NFKB1: variants seen among roughly 807,000 people sequenced by gnomAD.
NFKB1 encodes nuclear factor kappa B subunit 1.
A neutral mutation model predicts 105.1 loss-of-function variants in NFKB1; 9 were observed. That is an observed-to-expected ratio of 0.09 (90% CI 0.05 to 0.15). The LOEUF (loss-of-function observed/expected upper bound fraction) is 0.15. Among genes scored for constraint, NFKB1 ranks in the 10% least tolerant of loss-of-function variants. The pLI is 1.00. For missense variants in NFKB1, 830 were observed against 1,203.7 expected, an observed-to-expected ratio of 0.69 and a Z score of 4.59; for synonymous variants, 440 against 442.2, an observed-to-expected ratio of 1.00 and a Z score of 0.06.
chr4:102,607,209 G>A lies in NFKB1; in HGVS notation c.2014G>A (p.Val672Met), dbSNP rs1475745534. The A allele has an allele frequency of 1.2e-6, 2 of 1,614,172 alleles. No individual in the cohort carries two copies. Among genetic ancestry groups the A allele is most frequent in the African/African-American group, 1.3e-5 (1 of 75,030 alleles). ...SNSLPCLLLL[V>M]AAGADVNAQE... ...TAGCCTGCCATGTTTGCTGCTGCTG[G>A]TGGCCGCTGGGGCTGACGTCAATGC... Residue 672 changes from valine (V) to methionine (M), a missense_variant, in exon 18 of 24, where the codon GTG becomes ATG. Val to Met is a conservative substitution (Grantham distance 21, BLOSUM62 1). This residue lies in a region of NFKB1 where 418 missense variants were observed against 575.3 expected (regional missense o/e 0.73). Coordinates refer to ENST00000226574, the MANE Select transcript of NFKB1 (RefSeq NM_003998.4).
chr4:102,526,038 G>C (rs1051901122), intron 2 of NFKB1, among the ~76,000 whole-genome samples: 1 of 152,022 alleles, frequency 6.6e-6, no homozygotes, highest in Non-Finnish European at 1.5e-5. Context: ...CCATTGTCAC[G>C]TGCGCTTCTT....
chr4:102,522,375 A>G (rs1290268780), intron 1 of NFKB1, among the ~76,000 whole-genome samples: 1 of 152,188 alleles, frequency 6.6e-6, no homozygotes. Context: ...AATTTTAACT[A>G]TCACCCACGT....
At chr4:102,539,236 CAAAAAAAAAA>C (rs550342036) in intron 5 of NFKB1, among the ~76,000 whole-genome samples, 2 of 95,636 alleles carry the variant, frequency 2.1e-5, no homozygotes, top group African/African-American at 3.8e-5. Flanking sequence ...GACTCTGTCT[CAAAAAAAAAA>C]AAAAAAAAAA....
chr4:102,580,264 T>G (rs1275366849), intron 8 of NFKB1, among the ~76,000 whole-genome samples: 1 of 152,202 alleles, frequency 6.6e-6, no homozygotes, highest in Non-Finnish European at 1.5e-5. Flanking sequence ...GAAAAGCTCT[T>G]TCTCTTTTTG....
At chr4:102,506,955 TTA>T (rs1739454666) in intron 1 of NFKB1, among the ~76,000 whole-genome samples, 1 of 149,984 alleles carries the variant, frequency 6.7e-6, no homozygotes, top group Non-Finnish European at 1.5e-5. Context: ...ACAAAAAAGG[TTA>T]TATATATACA....
chr4:102,616,375 T>C, intron 23 of NFKB1, 59 bp from the exon 24 acceptor site: 3 of 1,586,534 alleles, frequency 1.9e-6, no homozygotes, highest in Non-Finnish European at 1.7e-6. Flanking sequence ...CACAGAATAG[T>C]CCATGAGCTT....
In NFKB1 at chr4:102,612,203, A is replaced by G. The variant is rs1728487316; in HGVS notation, c.2419+93A>G. 2.4e-6 allele frequency: 3 copies of G among 1,230,244 alleles called. No individual in the cohort carries two copies. The South Asian group carries it at 3.9e-5, about 16-fold the overall frequency. The allele number at this position is 1,230,244 out of a possible 1,614,324, so 76.2% of individuals were successfully genotyped here. ...CCAGCATTATCCAGGGTCTACTGTT[A>G]AAAGTTCTTATTTCAGAACCAAAAG... On this transcript the variant is annotated intron_variant, in intron 21 of 23. Coordinates refer to ENST00000226574, the MANE Select transcript of NFKB1 (RefSeq NM_003998.4).
At chr4:102,575,064 A>T (rs1724704070) in intron 6 of NFKB1, among the ~76,000 whole-genome samples, 1 of 152,150 alleles carries the variant, frequency 6.6e-6, no homozygotes, top group African/African-American at 2.4e-5. Context: ...TTTCTGAAAA[A>T]CTGCCTATGC....
At chr4:102,581,697 C>T (rs1211128944) in intron 9 of NFKB1, among the ~76,000 whole-genome samples, 1 of 152,166 alleles carries the variant, frequency 6.6e-6, no homozygotes, top group Non-Finnish European at 1.5e-5. Context: ...CTAGTGTCAG[C>T]CTTCTTCCAA....
intron 3 of NFKB1, among the ~76,000 whole-genome samples, chr4:102,533,215 G>T (rs2149122595): frequency 6.6e-6 from 1 of 152,182 alleles, no homozygotes; most frequent in Non-Finnish European, 1.5e-5. Flanking sequence ...AGATTACATT[G>T]GGAGTGTCGG....
At chr4:102,585,531 A>T (rs2149193586) in intron 11 of NFKB1, among the ~76,000 whole-genome samples, 1 of 152,316 alleles carries the variant, frequency 6.6e-6, no homozygotes, top group Non-Finnish European at 1.5e-5. Context: ...GGAACAGAAA[A>T]CTTGGCCAAC....
At chr4:102,595,091 T>C in intron 13 of NFKB1, 110 bp downstream of exon 13, 1 of 634,840 alleles carries the variant, frequency 1.6e-6, no homozygotes, top group South Asian at 2.3e-5. Flanking sequence ...TGACAAATAA[T>C]TGATGAATGC....
intron 16 of NFKB1, 96 bp from the exon 17 acceptor site, chr4:102,606,400 T>G: frequency 1.7e-6 from 2 of 1,158,170 alleles, no homozygotes; most frequent in Non-Finnish European, 2.6e-6. Flanking sequence ...ATTCCTGCAG[T>G]ATGGCCCCAC....
At chr4:102,607,562 A>T (rs952248423) in intron 18 of NFKB1, 87 bp from the exon 19 acceptor site, 16 of 1,372,306 alleles carry the variant, frequency 1.2e-5, no homozygotes, top group Non-Finnish European at 1.6e-5. Flanking sequence ...TAGTAATAGG[A>T]CCCAAGGAGC....
intron 11 of NFKB1, among the ~76,000 whole-genome samples, chr4:102,587,736 A>G (rs1273743302): frequency 6.6e-6 from 1 of 152,160 alleles, no homozygotes. Flanking sequence ...TGAAGGAAAG[A>G]ATGGACAACA....
At chr4:102,510,613 G>A (rs567673677) in intron 1 of NFKB1, among the ~76,000 whole-genome samples, 1 of 152,198 alleles carries the variant, frequency 6.6e-6, no homozygotes, top group South Asian at 2.1e-4. Context: ...CCATTTTGTC[G>A]ATAATAAGTT....
At chr4:102,513,904 T>G (rs1049768496) in intron 1 of NFKB1, among the ~76,000 whole-genome samples, 1 of 152,072 alleles carries the variant, frequency 6.6e-6, no homozygotes, top group Non-Finnish European at 1.5e-5. Flanking sequence ...CCGGGCGCGG[T>G]GGCTCACGGC....
chr4:102,588,378 T>C (rs1446834421), intron 11 of NFKB1, among the ~76,000 whole-genome samples: 1 of 151,364 alleles, frequency 6.6e-6, no homozygotes, highest in Non-Finnish European at 1.5e-5. Context: ...GGGGAGACGA[T>C]CGAAATAATC....
At chr4:102,514,508 A>T (rs547365021) in intron 1 of NFKB1, among the ~76,000 whole-genome samples, 1 of 152,198 alleles carries the variant, frequency 6.6e-6, no homozygotes, top group African/African-American at 2.4e-5. Context: ...CCCTCACCAG[A>T]TACCAAATGC....
Sources: gnomAD v4.1 joint callset for allele counts (sites outside exome capture counted in the v4.1 genomes callset) on GRCh38, gnomAD v4.1.1 for gene constraint, gnomAD v4.1.1 regional missense constraint, MANE v1.5 for transcripts, NCBI Gene and HGNC (gene_info 2026-07-23, HGNC 2026-07-21) for gene names.